Variants in SMG1 observed in about 807,000 individuals in gnomAD.
The protein encoded by SMG1 is serine/threonine-protein kinase SMG1.
In SMG1, 22 loss-of-function variants were observed where a neutral mutation model predicts 419.9. That is an observed-to-expected ratio of 0.05 (90% CI 0.04 to 0.07). The LOEUF (loss-of-function observed/expected upper bound fraction) is 0.07. Among genes scored for constraint, SMG1 ranks in the 10% least tolerant of loss-of-function variants. SMG1 has a pLI of 1.00. For synonymous variants in SMG1, 1,538 were observed against 1,553.5 expected (o/e 0.99, Z 0.23); for missense variants, 3,185 against 4,342.0 (o/e 0.73, Z 7.49).
chr16:18,897,653 TTA>T (rs1241549959), intron 1 of SMG1, among the ~76,000 whole-genome samples: 1 of 126,602 alleles, frequency 7.9e-6, no homozygotes, highest in Non-Finnish European at 1.7e-5. Flanking sequence ...TACCTGATGC[TTA>T]TTAGTAAACA....
chr16:18,886,950 T>C (rs1404605466), intron 6 of SMG1, among the ~76,000 whole-genome samples: 2 of 152,182 alleles, frequency 1.3e-5, no homozygotes, highest in Admixed American at 1.3e-4. Flanking sequence ...GTAATAAAAT[T>C]CATTTACTTA....
chr16:18,895,525 C>T (rs1032054027), intron 3 of SMG1, among the ~76,000 whole-genome samples: 7 of 151,610 alleles, frequency 4.6e-5, no homozygotes, highest in Admixed American at 2.0e-4. Context: ...AGAAAAGTAC[C>T]CACTCTAGGG....
chr16:18,821,241 CTTTTTT>C (rs2032528443), intron 55 of SMG1, among the ~76,000 whole-genome samples: 2 of 31,888 alleles, frequency 6.3e-5, no homozygotes, highest in South Asian at 1.1e-3. Context: ...TTTTTTTTTT[CTTTTTT>C]TTTTCTTTTT....
intron 38 of SMG1, 93 bp from the exon 39 acceptor site, chr16:18,845,744 T>C: frequency 1.1e-6 from 1 of 877,390 alleles, no homozygotes; most frequent in Non-Finnish European, 1.8e-6. Context: ...AATTGTTAAG[T>C]AAACAGTACC....
chr16:18,847,407 C>G, intron 38 of SMG1, 46 bp downstream of exon 38: 1 of 1,602,530 alleles, frequency 6.2e-7, no homozygotes, highest in Non-Finnish European at 8.5e-7. Context: ...TACTTTGAAA[C>G]AAAGTGGCAG....
At chr16:18,925,329 G>C (rs1567472511) in intron 1 of SMG1, 1 of 152,178 alleles carries the variant, frequency 6.6e-6, no homozygotes, top group South Asian at 2.1e-4. Context: ...CGATTCACCA[G>C]AGTAACCGGC....
rs1174369021 is a variant in SMG1 at position 18,808,801 on chromosome 16, T to C, written c.*768A>G. On this transcript the variant is annotated 3_prime_UTR_variant, in exon 63 of 63. Coordinates refer to ENST00000446231, the MANE Select transcript of SMG1 (RefSeq NM_015092.5). ...TTGAATTTTCCATGTTATCAGAAGT[T>C]GTTAACAGCATCGAGACGGAAGTAT... The C allele has an allele frequency of 6.6e-6, 1 of 152,576 alleles. No individual in the cohort carries two copies. The highest frequency in any genetic ancestry group is 2.4e-5 in the African/African-American group (1 of 41,438). 9.5% of individuals were successfully genotyped at this position (152,576 alleles called of 1,614,324 possible).
intron 1 of SMG1, among the ~76,000 whole-genome samples, chr16:18,899,410 G>A (rs1348892006): frequency 2.6e-5 from 4 of 152,032 alleles, no homozygotes; most frequent in Non-Finnish European, 5.9e-5. Flanking sequence ...CACTGTCTCA[G>A]AAATACCTAA....
intron 41 of SMG1, among the ~76,000 whole-genome samples, chr16:18,841,238 A>G (rs1466430694): frequency 1.3e-5 from 2 of 151,940 alleles, no homozygotes. Flanking sequence ...CATCTCTACT[A>G]AAAATACAAA....
At chr16:18,897,394 A>T (rs1005124067) in intron 1 of SMG1, among the ~76,000 whole-genome samples, 9 of 152,202 alleles carry the variant, frequency 5.9e-5, no homozygotes, top group Admixed American at 1.3e-4. Context: ...CTGTCATAAA[A>T]ATAAAAAACA....
intron 26 of SMG1, 56 bp from the exon 27 acceptor site, chr16:18,859,759 A>G (rs2035114944): frequency 2.1e-6 from 3 of 1,455,678 alleles, no homozygotes; most frequent in Non-Finnish European, 1.9e-6. Context: ...ATAAATTTTG[A>G]TTTATGTTTG....
intron 6 of SMG1, among the ~76,000 whole-genome samples, chr16:18,887,890 G>A (rs1276160742): frequency 6.7e-6 from 1 of 150,080 alleles, no homozygotes; most frequent in Non-Finnish European, 1.5e-5. Flanking sequence ...TTTAGGCCAG[G>A]TGTGGTGGCT....
At position 18,808,403 on chromosome 16, in the gene SMG1, T is replaced by A. The variant is rs1016939796; in HGVS notation, c.*1166A>T. On this transcript the variant is annotated 3_prime_UTR_variant, in exon 63 of 63. Transcript: ENST00000446231. Reference sequence around the variant, plus strand: ...CTAAGTGTAAATTAAAAGTATCAAATGAAAAACATGAATTAAAAAAATTTC... The same window carrying A: ...CTAAGTGTAAATTAAAAGTATCAAAAGAAAAACATGAATTAAAAAAATTTC... 1 of 152,130 alleles carries A rather than the reference T, an allele frequency of 6.6e-6. No homozygotes were observed. The highest frequency in any genetic ancestry group is 2.4e-5 in the African/African-American group (1 of 41,422). The allele number at this position is 152,130 out of a possible 1,614,324, so 9.4% of individuals were successfully genotyped here. A position where few individuals can be genotyped will look rare whatever the true frequency, so the allele number is the denominator to read the frequency against.
At chr16:18,841,516 C>T (rs780328474) in intron 41 of SMG1, 49 bp downstream of exon 41, 1 of 1,553,736 alleles carries the variant, frequency 6.4e-7, no homozygotes, top group South Asian at 1.1e-5. Context: ...AAGTATTTCA[C>T]ATAATAACAG....
chr16:18,845,659 A>T lies in SMG1; in HGVS notation c.5997-8T>A. On this transcript the variant is annotated splice_polypyrimidine_tract_variant and splice_region_variant and intron_variant, in intron 38 of 62. Coordinates refer to ENST00000446231, the MANE Select transcript of SMG1 (RefSeq NM_015092.5). ...ATTGCAATTTTCTCTTCTCTGACCA[A>T]GAAGACATTTTTATTCAAAAACTTA... 3 of 1,597,632 alleles carry T rather than the reference A, an allele frequency of 1.9e-6. No homozygotes were observed. Among genetic ancestry groups the T allele is most frequent in the Non-Finnish European group, 1.7e-6 (2 of 1,172,638 alleles).
rs779261189 is a variant in SMG1, at chr16:18,858,138, A to C, written c.4234+32T>G. ...AAAATTTAAAAAAAGAACACCTTTAATTTTCTCTTACAAGAAAAAAAAACC... is the reference window on the plus strand; with the variant it reads ...AAAATTTAAAAAAAGAACACCTTTACTTTTCTCTTACAAGAAAAAAAAACC... On this transcript the variant is annotated intron_variant, in intron 29 of 62. Coordinates refer to ENST00000446231, the MANE Select transcript of SMG1 (RefSeq NM_015092.5). 6 of 1,521,808 alleles carry C rather than the reference A, an allele frequency of 3.9e-6. No individual in the cohort carries two copies. In the African/African-American group the frequency reaches 8.5e-5, roughly 21 times the overall value. 94.3% of individuals were successfully genotyped at this position (1,521,808 alleles called of 1,614,324 possible).
In SMG1 at chr16:18,831,717, T is replaced by C. The variant is rs575163021; in HGVS notation, c.8792+1223A>G. Among the ~76,000 whole-genome samples the C allele has an allele frequency of 5.0e-5, 7 of 138,770 alleles. No individual in the cohort carries two copies. The South Asian group carries it at 8.9e-4, about 18-fold the overall frequency. 91.0% of individuals were successfully genotyped at this position (138,770 alleles called of 152,430 possible). On this transcript the variant is annotated intron_variant, in intron 51 of 62. Coordinates refer to ENST00000446231, the MANE Select transcript of SMG1 (RefSeq NM_015092.5). The stretch of plus-strand genomic sequence containing the variant: ...GCTGCAGCGAGCCGAGATCGCACCA[T>C]TGCACTCCAGCCTAGCGACACAGCA...
At chr16:18,841,975 T>C (rs963446651) in intron 40 of SMG1, among the ~76,000 whole-genome samples, 181 bp from the exon 41 acceptor site, 7 of 152,198 alleles carry the variant, frequency 4.6e-5, no homozygotes, top group African/African-American at 1.7e-4. Flanking sequence ...TTATTAGCTG[T>C]ACCTCACTTG....
At chr16:18,820,059 G>T (rs1210724052) in intron 55 of SMG1, among the ~76,000 whole-genome samples, 3 of 152,166 alleles carry the variant, frequency 2.0e-5, no homozygotes, top group Non-Finnish European at 4.4e-5. Flanking sequence ...TCTGTCACCT[G>T]GGTTCAAGCG....
Sources: gnomAD v4.1 joint callset for allele counts (sites outside exome capture counted in the v4.1 genomes callset) on GRCh38, gnomAD v4.1.1 for gene constraint, MANE v1.5 for transcripts, NCBI Gene and HGNC (gene_info 2026-07-23, HGNC 2026-07-21) for gene names.